TXLNA: variants seen among roughly 807,000 people sequenced by gnomAD.
TXLNA encodes alpha-taxilin.
A neutral mutation model predicts 61.4 loss-of-function variants in TXLNA; 9 were observed. The ratio of observed to expected loss-of-function variants is 0.15; its 90% CI spans 0.09 to 0.26. TXLNA has a LOEUF of 0.26. TXLNA is among the 10% of genes least tolerant of loss of function. TXLNA has a pLI of 1.00. For synonymous variants in TXLNA, 257 were observed against 267.7 expected, an observed-to-expected ratio of 0.96 and a Z score of 0.39; for missense variants, 565 against 688.8, an observed-to-expected ratio of 0.82 and a Z score of 2.01.
At chr1:32,180,577 T>C in intron 2 of TXLNA, 63 bp downstream of exon 2, 1 of 1,516,234 alleles carries the variant, frequency 6.6e-7, no homozygotes, top group Non-Finnish European at 8.8e-7. Context: ...GCCTCGCTTC[T>C]GGACTTACAG....
At chr1:32,182,856 A>G (rs1205668941) in intron 3 of TXLNA, among the ~76,000 whole-genome samples, 1 of 151,790 alleles carries the variant, frequency 6.6e-6, no homozygotes, top group Non-Finnish European at 1.5e-5. Flanking sequence ...TTATGAGGTC[A>G]GGAGTTCGAG....
chr1:32,181,150 C>CA, intron 2 of TXLNA, 92 bp from the exon 3 acceptor site: 1 of 1,151,518 alleles, frequency 8.7e-7, no homozygotes. Context: ...ACATTTAACT[C>CA]AAACTGATGA....
At chr1:32,186,138 G>A (rs1467383939) in intron 4 of TXLNA, among the ~76,000 whole-genome samples, 2 of 152,226 alleles carry the variant, frequency 1.3e-5, no homozygotes, top group Non-Finnish European at 2.9e-5. Flanking sequence ...AAGGTATAAG[G>A]AAGATAAGCA....
At chr1:32,183,253 A>G (rs1642706958) in intron 3 of TXLNA, among the ~76,000 whole-genome samples, 4 of 149,218 alleles carry the variant, frequency 2.7e-5, no homozygotes, top group African/African-American at 9.9e-5. Context: ...CCTCCCGAGT[A>G]GCTGGGACTA....
chr1:32,187,731 T>G (rs1295002127), intron 4 of TXLNA, among the ~76,000 whole-genome samples: 1 of 152,140 alleles, frequency 6.6e-6, no homozygotes, highest in Non-Finnish European at 1.5e-5. Context: ...CTGCTTGCCC[T>G]AGTGAGTTAC....
At position 32,193,267 on chromosome 1, in the gene TXLNA, G is replaced by A; in HGVS notation, c.1218G>A (p.Glu406=). The change falls in exon 9 of 11, where the codon GAG becomes GAA. Residue 406 remains glutamate (E), a synonymous_variant. Coordinates refer to ENST00000373610, the MANE Select transcript of TXLNA (RefSeq NM_175852.4). ...EFQNTLSKSS[E]VFTTFKQEME... is the part of the protein sequence containing the mutation. ...AGAACACACTTTCCAAAAGCAGCGA[G>A]GTATTCACCACATTCAAGCAGGAGA... The A allele has an allele frequency of 1.2e-6, 2 of 1,613,732 alleles. No individual in the cohort carries two copies. The highest frequency in any genetic ancestry group is 1.7e-6 in the Non-Finnish European group (2 of 1,179,942).
chr1:32,190,687 T>C (rs1398269837), intron 6 of TXLNA, among the ~76,000 whole-genome samples: 3 of 152,222 alleles, frequency 2.0e-5, no homozygotes, highest in Non-Finnish European at 2.9e-5. Context: ...ACAATTTCCA[T>C]TTTCAGAACT....
In TXLNA at chr1:32,193,211, G is replaced by A. The variant is rs753204780; in HGVS notation, c.1162G>A (p.Ala388Thr). ...GTGGGCTGCTTTCTCCCCACAGCTT[G>A]CCCTATACACAGAGAAGTTTGAGGA... ...QQETHLKQQL[A>T]LYTEKFEEFQ... The change falls in exon 9 of 11, where the codon GCC (alanine) becomes ACC (threonine). Residue 388 changes from alanine (A) to threonine (T), a missense_variant. Transcript: ENST00000373610. The A allele has an allele frequency of 6.2e-7, 1 of 1,613,346 alleles. No individual in the cohort carries two copies.
At position 32,190,253 on chromosome 1, in the gene TXLNA, A is replaced by G; in HGVS notation, c.963+4A>G. On this transcript the variant is annotated splice_donor_region_variant and intron_variant, in intron 6 of 10. Coordinates refer to ENST00000373610, the MANE Select transcript of TXLNA (RefSeq NM_175852.4). ...GCAGTATGAGCTGCGCGAGGAGGTA[A>G]GGGTATCACGGACAGCAGTCATGGC... 6.3e-7 allele frequency: 1 copy of G among 1,587,780 alleles called. No individual in the cohort carries two copies.
chr1:32,188,166 G>A, intron 5 of TXLNA, 42 bp downstream of exon 5: 1 of 1,510,176 alleles, frequency 6.6e-7, no homozygotes, highest in Non-Finnish European at 8.9e-7. Context: ...TGGTTTCCTT[G>A]ACTTCCACTT....
At position 32,179,725 on chromosome 1, in the gene TXLNA, G is replaced by A. The variant is rs1006452171; in HGVS notation, c.-84G>A. 4 of 152,494 alleles carry A rather than the reference G, an allele frequency of 2.6e-5. No homozygotes were observed. The highest frequency in any genetic ancestry group is 7.2e-5 in the African/African-American group (3 of 41,462). 9.4% of individuals were successfully genotyped at this position (152,494 alleles called of 1,614,324 possible). On this transcript the variant is annotated 5_prime_UTR_variant, in exon 1 of 11. Coordinates refer to ENST00000373610, the MANE Select transcript of TXLNA (RefSeq NM_175852.4). ...CGGCTGGCCGGCAGCAGTTACTCGG[G>A]GTTTCCGGTGCGAGGCCAGAGGTGG...
chr1:32,181,266 C>A lies in TXLNA; in HGVS notation c.194C>A (p.Ser65Tyr). 6.2e-7 allele frequency: 1 copy of A among 1,606,052 alleles called. No individual in the cohort carries two copies. The highest frequency in any genetic ancestry group is 1.1e-5 in the South Asian group (1 of 90,190). ...PEGAQARTAQSGALRDVSEEL... is the reference protein window; with the variant it reads ...PEGAQARTAQYGALRDVSEEL... ...GGGGCTCAAGCCAGAACGGCTCAGT[C>A]TGGGGCCCTTCGTGATGTCTCTGAG... The change falls in exon 3 of 11, where the codon TCT (serine) becomes TAT (tyrosine). Residue 65 changes from serine to tyrosine, a missense_variant. By Grantham distance (144) the Ser-to-Tyr change is moderately radical (BLOSUM62 -2). Transcript: ENST00000373610.
rs559559699 is a variant in TXLNA at position 32,189,103 on chromosome 1, A to G, written c.769-952A>G. The stretch of plus-strand genomic sequence containing the variant: ...GTAGGGCTATCTTCTCATTATATGG[A>G]TATATTATATCAGTGCCCTAGTTAA... On this transcript the variant is annotated intron_variant, in intron 5 of 10. Transcript: ENST00000373610. Among the ~76,000 whole-genome samples the G allele has an allele frequency of 7.8e-4, 119 of 151,788 alleles. 4 individuals carry two copies. In the South Asian group the frequency reaches 0.024, roughly 31 times the overall value.
chr1:32,180,172 C>A, intron 1 of TXLNA, 142 bp from the exon 2 acceptor site: 2 of 847,746 alleles, frequency 2.4e-6, no homozygotes, highest in Non-Finnish European at 3.5e-6. Flanking sequence ...CCCGCCAAGA[C>A]CAGAGAGCCG....
intron 5 of TXLNA, among the ~76,000 whole-genome samples, chr1:32,188,876 G>A (rs1198674534): frequency 6.6e-6 from 1 of 152,202 alleles, no homozygotes. Context: ...GGTCAGTCAG[G>A]AACCTGGGTC....
intron 6 of TXLNA, among the ~76,000 whole-genome samples, chr1:32,191,955 G>T (rs1252147853): frequency 6.6e-6 from 1 of 152,242 alleles, no homozygotes; most frequent in Non-Finnish European, 1.5e-5. Context: ...CATTGTTTTT[G>T]CCCATTCTTC....
intron 2 of TXLNA, among the ~76,000 whole-genome samples, chr1:32,180,992 A>G (rs988370101): frequency 1.3e-5 from 2 of 152,224 alleles, no homozygotes; most frequent in African/African-American, 4.8e-5. Context: ...GTCATTTTAC[A>G]AGTAAACAGA....
chr1:32,181,379 G>A lies in TXLNA; in HGVS notation c.307G>A (p.Glu103Lys), dbSNP rs367913000. 1 of 1,614,122 alleles carries A rather than the reference G, an allele frequency of 6.2e-7. No individual in the cohort carries two copies. Among genetic ancestry groups the A allele is most frequent in the Non-Finnish European group, 8.5e-7 (1 of 1,180,060 alleles). ...CCCCGGCGAGGATGGGGCACAGGGT[G>A]AGCCGGCTGAACCCGAAGATGCAGA... ...GGPGEDGAQG[E>K]PAEPEDAEKS... Residue 103 changes from glutamate (E) to lysine (K), a missense_variant, in exon 3 of 11, where the codon GAG (glutamate) becomes AAG (lysine). Physicochemically the swap from Glu to Lys is moderately conservative, Grantham distance 56. Coordinates refer to ENST00000373610, the MANE Select transcript of TXLNA (RefSeq NM_175852.4).
intron 5 of TXLNA, among the ~76,000 whole-genome samples, chr1:32,189,553 T>A (rs191933389): frequency 6.6e-6 from 1 of 151,626 alleles, no homozygotes; most frequent in Non-Finnish European, 1.5e-5. Context: ...TTTTTTTTTT[T>A]TGGGGACGGA....
Sources: gnomAD v4.1 joint callset for allele counts (sites outside exome capture counted in the v4.1 genomes callset) on GRCh38, gnomAD v4.1.1 for gene constraint, MANE v1.5 for transcripts, NCBI Gene and HGNC (gene_info 2026-07-23, HGNC 2026-07-21) for gene names.